HID1: variants seen among roughly 807,000 people sequenced by gnomAD.
HID1 encodes the protein HID1 domain containing, also known as protein HID1.
HID1 carries 42 observed loss-of-function variants against 89.7 expected under a neutral mutation model. The ratio of observed to expected loss-of-function variants is 0.47; its 90% CI spans 0.37 to 0.61. The LOEUF (loss-of-function observed/expected upper bound fraction) is 0.61. Ranked by LOEUF, HID1 falls within the 20% of genes least tolerant of loss-of-function variation. HID1 has a pLI of 0.00. For missense variants in HID1, 854 were observed against 1,039.3 expected (o/e 0.82, Z 2.45); for synonymous variants, 442 against 433.8 (o/e 1.02, Z -0.24).
chr17:74,965,174 G>A (rs1343585826), intron 1 of HID1, among the ~76,000 whole-genome samples: 7 of 152,122 alleles, frequency 4.6e-5, no homozygotes, highest in Non-Finnish European at 1.0e-4. Context: ...ACCCCAACAC[G>A]CCCCTCTCAG....
At chr17:74,969,025 G>A (rs1221368235) in intron 1 of HID1, among the ~76,000 whole-genome samples, 1 of 152,138 alleles carries the variant, frequency 6.6e-6, no homozygotes, top group Non-Finnish European at 1.5e-5. Context: ...ACTGTGGCTT[G>A]GACATTCGGA....
intron 16 of HID1, 141 bp downstream of exon 16, chr17:74,952,865 C>T: frequency 1.6e-6 from 1 of 643,412 alleles, no homozygotes; most frequent in South Asian, 2.1e-5. Flanking sequence ...AGTCAGGCTT[C>T]TATGCTAGGG....
intron 3 of HID1, chr17:74,963,364 T>C: frequency 2.0e-6 from 1 of 495,686 alleles, no homozygotes; most frequent in Middle Eastern, 5.3e-4. Flanking sequence ...TAGGAATCAC[T>C]GTGTTGCATC....
At chr17:74,970,789 T>G (rs1363460963) in intron 1 of HID1, 1 of 152,300 alleles carries the variant, frequency 6.6e-6, no homozygotes, top group Non-Finnish European at 1.5e-5. Flanking sequence ...CTCCAAGTGG[T>G]AAGGTCAGTG....
Position 74,958,829 on chromosome 17 carries a change from T to A in HID1, c.1150-66A>T. ...GAGGGGCAGCTCTGCCCCACCCCCC[T>A]CAGTCTGACACTGTCCCTGCCCCCG... On this transcript the variant is annotated intron_variant, in intron 9 of 18. Transcript: ENST00000425042. The surrounding 1 kb of genome is among the most constrained non-coding windows in gnomAD (Gnocchi z 5.2). 1 of 1,593,320 alleles carries A rather than the reference T, an allele frequency of 6.3e-7. No homozygotes were observed. Among genetic ancestry groups the A allele is most frequent in the Non-Finnish European group, 8.6e-7 (1 of 1,167,624 alleles).
At chr17:74,954,110 ACT>A (rs1434173337) in intron 14 of HID1, 26 bp downstream of exon 14, 2 of 1,557,558 alleles carry the variant, frequency 1.3e-6, no homozygotes, top group Non-Finnish European at 1.7e-6. Context: ...CAGTATCCAC[ACT>A]CCTGTCCCAT....
intron 12 of HID1, among the ~76,000 whole-genome samples, chr17:74,956,440 G>A (rs1426497323): frequency 6.6e-6 from 1 of 152,212 alleles, no homozygotes; most frequent in Non-Finnish European, 1.5e-5. Flanking sequence ...GGCACACCCA[G>A]ACTGAAGTTC....
At chr17:74,952,917 TG>T in intron 16 of HID1, 88 bp downstream of exon 16, 1 of 1,013,390 alleles carries the variant, frequency 9.9e-7, no homozygotes, top group Non-Finnish European at 1.4e-6. Flanking sequence ...TGAGCTTCCC[TG>T]GGCCAAGGAG....
chr17:74,963,042 C>T lies in HID1; in HGVS notation c.427G>A (p.Glu143Lys), dbSNP rs767995195. The part of the protein sequence containing the change: ...EDDEHARPLA[E>K]SLLLAIADLL... ...TCAGCAATGGCCAGGAGCAGGGACT[C>T]GGCCAGGGGCCTGGCATGCTCATCA... The change falls in exon 4 of 19, where the codon GAG becomes AAG. Residue 143 changes from glutamate to lysine, a missense_variant. Coordinates refer to ENST00000425042, the MANE Select transcript of HID1 (RefSeq NM_030630.3). 45 of 1,613,058 alleles carry T rather than the reference C, an allele frequency of 2.8e-5. No homozygotes were observed. The South Asian group carries it at 4.1e-4, about 15-fold the overall frequency.
rs752294242 is a variant in HID1, at chr17:74,962,262, G to T, written c.583C>A (p.Gln195Lys). Residue 195 changes from glutamine (Q) to lysine (K), a missense_variant, in exon 5 of 19, where the codon CAG becomes AAG. By Grantham distance (53) the Gln-to-Lys change is moderately conservative. Transcript: ENST00000425042. The surrounding 1 kb of genome is among the most constrained non-coding windows in gnomAD (Gnocchi z 4.3). The stretch of plus-strand genomic sequence containing the variant: ...TTCATATCGTGGATGTAGTTAGGCT[G>T]GGGGGAGTGAGCGAAGCCCACACCA... ...EAGVGFAHSP[Q>K]PNYIHDMNRM... is the part of the protein sequence containing the mutation. 6 of 1,609,606 alleles carry T rather than the reference G, an allele frequency of 3.7e-6. No individual in the cohort carries two copies. In the African/African-American group the frequency reaches 6.7e-5, roughly 18 times the overall value.
In HID1 at chr17:74,965,286, C is replaced by G. The variant is rs72844522; in HGVS notation, c.67-654G>C. ...CTCTATGCTGCTGCCAACGCATGCA[C>G]CGAGGTGGCATCCTGCATGCACCAC... On this transcript the variant is annotated intron_variant, in intron 1 of 18. Transcript: ENST00000425042. 5.0e-3 allele frequency among the ~76,000 whole-genome samples: 765 copies of G among 152,362 alleles called. 2 individuals are homozygous for G. Among genetic ancestry groups the G allele is most frequent in the Non-Finnish European group, 9.0e-3 (609 of 68,042 alleles).
rs1448433699 is a variant in HID1, at chr17:74,962,796, C to T, written c.504+169G>A. Among the ~76,000 whole-genome samples the T allele has an allele frequency of 1.3e-5, 2 of 152,216 alleles. No homozygotes were observed. Among genetic ancestry groups the T allele is most frequent in the Non-Finnish European group, 2.9e-5 (2 of 68,030 alleles). On this transcript the variant is annotated intron_variant, in intron 4 of 18. Transcript: ENST00000425042. This position sits in a 1 kb window ranked among gnomAD's most constrained non-coding sequence, Gnocchi z 4.3. ...GGGCAGGGCCAGCCCCAGCTGGCTT[C>T]CCTCAGCTGTACCAGCTGCCACCCA...
chr17:74,959,772 C>G lies in HID1; in HGVS notation c.1008+109G>C, dbSNP rs2039450088. Reference sequence around the variant, plus strand: ...GCCACTATTTCACCTAGGGTGGCCCCAGCCCACAGAGAGCATGGTTCCTTC... The same window carrying G: ...GCCACTATTTCACCTAGGGTGGCCCGAGCCCACAGAGAGCATGGTTCCTTC... On this transcript the variant is annotated intron_variant, in intron 8 of 18. Transcript: ENST00000425042. This position sits in a 1 kb window ranked among gnomAD's most constrained non-coding sequence, Gnocchi z 4.6. 7.4e-6 allele frequency: 9 copies of G among 1,208,904 alleles called. No homozygotes were observed. The South Asian group carries it at 1.2e-4, about 16-fold the overall frequency. The allele number at this position is 1,208,904 out of a possible 1,614,324, so 74.9% of individuals were successfully genotyped here.
chr17:74,952,160 T>A (rs2039312250), intron 17 of HID1, 97 bp from the exon 18 acceptor site: 1 of 1,509,144 alleles, frequency 6.6e-7, no homozygotes, highest in East Asian at 2.3e-5. Context: ...ATCACACGCC[T>A]ACCTAAGCCT....
Position 74,954,221 on chromosome 17 carries a change from TG to T in HID1, c.1780del (p.Gln594ArgfsTer33). On this transcript the variant is annotated frameshift_variant, in exon 14 of 19. Transcript: ENST00000425042. LOFTEE classifies it high-confidence loss of function. ...TPEPLSRTGSQEGTSMEGSRP... is the reference protein window; with the variant it reads ...TPEPLSRTGSXEGTSMEGSRP... ...GGAGCCCTCCATGGAGGTGCCCTCC[TG>T]GGAGCCGGTGCGAGACAAGGGCTCA... is the stretch of plus-strand genomic sequence containing the variant. 6.3e-7 allele frequency: 1 copy of T among 1,596,386 alleles called. No individual in the cohort carries two copies.
Position 74,958,317 on chromosome 17 carries a change from GC to G in HID1, c.1392+9del, listed in dbSNP as rs752216219. Reference sequence around the variant, plus strand: ...GCACCTCCTGGGCCCGGCCGCACGAGCCCCCTCACCACAATGAGCAGGTCGG... The same window carrying G: ...GCACCTCCTGGGCCCGGCCGCACGAGCCCCTCACCACAATGAGCAGGTCGG... On this transcript the variant is annotated intron_variant, in intron 11 of 18. Transcript: ENST00000425042. The surrounding 1 kb of genome is among the most constrained non-coding windows in gnomAD (Gnocchi z 5.2). 7.4e-6 allele frequency: 12 copies of G among 1,612,590 alleles called. No homozygotes were observed. Among genetic ancestry groups the G allele is most frequent in the Non-Finnish European group, 1.0e-5 (12 of 1,179,524 alleles).
Position 74,951,306 on chromosome 17 carries a change from G to A in HID1, c.*264C>T, listed in dbSNP as rs2039294104. On this transcript the variant is annotated 3_prime_UTR_variant, in exon 19 of 19. Transcript: ENST00000425042. ...CACTGAGCCAGGTCTTAAAGAGGGAGTCCGAGTGTTGGGGGCAGTGGTCTC... is the reference window on the plus strand; with the variant it reads ...CACTGAGCCAGGTCTTAAAGAGGGAATCCGAGTGTTGGGGGCAGTGGTCTC... 1 of 551,352 alleles carries A rather than the reference G, an allele frequency of 1.8e-6. No homozygotes were observed. The highest frequency in any genetic ancestry group is 3.2e-6 in the Non-Finnish European group (1 of 309,582). The allele number at this position is 551,352 out of a possible 1,614,324, so 34.2% of individuals were successfully genotyped here. A position where few individuals can be genotyped will look rare whatever the true frequency, so the allele number is the denominator to read the frequency against.
chr17:74,959,752 T>G lies in HID1; in HGVS notation c.1008+129A>C, dbSNP rs993742490. On this transcript the variant is annotated intron_variant, in intron 8 of 18. Transcript: ENST00000425042. This position sits in a 1 kb window ranked among gnomAD's most constrained non-coding sequence, Gnocchi z 4.6. The stretch of plus-strand genomic sequence containing the variant: ...CTTGAAACCCTCACAGTCCTGCCAC[T>G]ATTTCACCTAGGGTGGCCCCAGCCC... 67 of 955,968 alleles carry G rather than the reference T, an allele frequency of 7.0e-5. No individual in the cohort carries two copies. The highest frequency in any genetic ancestry group is 1.1e-4 in the Non-Finnish European group (66 of 609,828). 59.2% of individuals were successfully genotyped at this position (955,968 alleles called of 1,614,324 possible). A position where few individuals can be genotyped will look rare whatever the true frequency, so the allele number is the denominator to read the frequency against.
chr17:74,964,143 A>C (rs1408385567), intron 2 of HID1: 1 of 599,284 alleles, frequency 1.7e-6, no homozygotes, highest in Non-Finnish European at 3.0e-6. Flanking sequence ...GCCAGGGCCC[A>C]GCTAGCCACT....
Sources: gnomAD v4.1 joint callset for allele counts (sites outside exome capture counted in the v4.1 genomes callset) on GRCh38, gnomAD v4.1.1 for gene constraint, Gnocchi (gnomAD v3.1) non-coding constraint, MANE v1.5 for transcripts, NCBI Gene and HGNC (gene_info 2026-07-23, HGNC 2026-07-21) for gene names.